SPAG17: variants seen among roughly 807,000 people sequenced by gnomAD.
The protein encoded by SPAG17 is sperm-associated antigen 17.
Under a neutral mutation model 273.6 loss-of-function variants are expected in SPAG17, and 169 were observed. The ratio of observed to expected loss-of-function variants is 0.62; its 90% CI spans 0.55 to 0.70. The LOEUF (loss-of-function observed/expected upper bound fraction) is 0.70, where lower values mean the gene tolerates loss of function less well. Among genes scored for constraint, SPAG17 ranks in the 30% least tolerant of loss-of-function variants. The pLI, the probability that SPAG17 is intolerant of heterozygous loss-of-function variation, is 0.00. For synonymous variants in SPAG17, 825 were observed against 873.2 expected (o/e 0.94, Z 0.97); for missense variants, 2,557 against 2,627.8 (o/e 0.97, Z 0.59).
chr1:118,011,759 G>GACAC (rs142676912), intron 30 of SPAG17, among the ~76,000 whole-genome samples: 2 of 149,456 alleles, frequency 1.3e-5, no homozygotes, highest in East Asian at 2.0e-4. Context: ...CACACACACA[G>GACAC]ACACACACAC....
At chr1:118,140,360 C>T (rs1041819936) in intron 3 of SPAG17, among the ~76,000 whole-genome samples, 1 of 151,914 alleles carries the variant, frequency 6.6e-6, no homozygotes, top group African/African-American at 2.4e-5. Context: ...GTTCTCACCA[C>T]AAAAAATGTT....
chr1:118,052,766 T>C lies in SPAG17; in HGVS notation c.2814+1236A>G, dbSNP rs373093609. On this transcript the variant is annotated intron_variant, in intron 20 of 48. Transcript: ENST00000336338. ...TTGTTAATGACAATACAAAAGTCTG[T>C]AGACCAATTTCATTCACCATGGATA... is the stretch of plus-strand genomic sequence containing the variant. Among the ~76,000 whole-genome samples the C allele has an allele frequency of 1.2e-4, 18 of 152,164 alleles. 1 individual carries two copies. Among genetic ancestry groups the C allele is most frequent in the Admixed American group, 7.9e-4 (12 of 15,276 alleles).
intron 28 of SPAG17, among the ~76,000 whole-genome samples, chr1:118,016,475 T>C (rs2101805097): frequency 6.6e-6 from 1 of 152,304 alleles, no homozygotes; most frequent in East Asian, 1.9e-4. Context: ...ACTTCTGTAC[T>C]CTTTTGGGTC....
At chr1:117,994,630 C>T in intron 34 of SPAG17, 100 bp from the exon 35 acceptor site, 1 of 1,252,898 alleles carries the variant, frequency 8.0e-7, no homozygotes, top group Non-Finnish European at 1.1e-6. Flanking sequence ...TTTGAACAGA[C>T]TTAGACATGA....
At chr1:118,181,301 T>C (rs910095984) in intron 1 of SPAG17, among the ~76,000 whole-genome samples, 2 of 151,928 alleles carry the variant, frequency 1.3e-5, no homozygotes, top group South Asian at 2.1e-4. Context: ...TTACTTTAAA[T>C]GTACATGTAT....
At chr1:118,111,553 A>AACACACACACACACACACACACACACAC (rs61266210) in intron 4 of SPAG17, among the ~76,000 whole-genome samples, 2 of 135,858 alleles carry the variant, frequency 1.5e-5, no homozygotes, top group African/African-American at 2.8e-5. Context: ...CTTTTAAAAC[A>AACACACACACACACACACACACACACAC]ACACACACAC....
chr1:117,992,517 C>G lies in SPAG17; in HGVS notation c.5310G>C (p.Gln1770His). ...TCACCTCATTCTTTATGACCTCATG[C>G]TGAATGAATTGGCGCATCTGTAGCA... Reference protein sequence around the residue: ...PSVLQMRQFIQHEVIKNEVKL... With the variant: ...PSVLQMRQFIHHEVIKNEVKL... Residue 1770 changes from glutamine to histidine, a missense_variant, in exon 36 of 49, where the codon CAG (glutamine) becomes CAC (histidine). Physicochemically the swap from Gln to His is conservative, Grantham distance 24. Transcript: ENST00000336338. 6.2e-7 allele frequency: 1 copy of G among 1,613,546 alleles called. No individual in the cohort carries two copies. Among genetic ancestry groups the G allele is most frequent in the Non-Finnish European group, 8.5e-7 (1 of 1,179,788 alleles).
rs533447540 is a variant in SPAG17 at position 117,969,174 on chromosome 1, A to G, written c.6387+882T>C. On this transcript the variant is annotated intron_variant, in intron 46 of 48. Transcript: ENST00000336338. ...ATGCTATTAATATGCATTTTTTTTT[A>G]CTAAACATGCCATTTTGGAGGATGT... 1.1e-4 allele frequency among the ~76,000 whole-genome samples: 16 copies of G among 150,084 alleles called. No homozygotes were observed. The East Asian group carries it at 3.1e-3, about 29-fold the overall frequency.
intron 47 of SPAG17, chr1:117,965,563 C>T (rs574644115): frequency 3.3e-5 from 5 of 152,336 alleles, no homozygotes; most frequent in African/African-American, 1.2e-4. Flanking sequence ...CTTCCCCCAC[C>T]ATGTCTTTCA....
intron 2 of SPAG17, 109 bp from the exon 3 acceptor site, chr1:118,150,738 C>A: frequency 1.7e-6 from 1 of 600,226 alleles, no homozygotes; most frequent in South Asian, 2.5e-5. Context: ...GGGAACCTAG[C>A]AAGAAAGAGG....
At chr1:118,070,934 T>C (rs1653514550) in intron 17 of SPAG17, among the ~76,000 whole-genome samples, 1 of 152,170 alleles carries the variant, frequency 6.6e-6, no homozygotes, top group Non-Finnish European at 1.5e-5. Context: ...AGATAATAAA[T>C]GTCAGAAGCT....
At chr1:118,104,274 C>T (rs926524700) in intron 4 of SPAG17, among the ~76,000 whole-genome samples, 1 of 152,168 alleles carries the variant, frequency 6.6e-6, no homozygotes, top group Non-Finnish European at 1.5e-5. Flanking sequence ...TAAGAAGGTA[C>T]ATTAAGATAG....
intron 15 of SPAG17, chr1:118,076,260 T>C (rs1412878659): frequency 6.6e-6 from 1 of 152,102 alleles, no homozygotes; most frequent in African/African-American, 2.4e-5. Context: ...TTTGGGCTTC[T>C]AGAGGGAGAA....
chr1:118,077,311 T>C (rs1654182522), intron 15 of SPAG17, among the ~76,000 whole-genome samples: 1 of 152,048 alleles, frequency 6.6e-6, no homozygotes, highest in Non-Finnish European at 1.5e-5. Context: ...CTCCTGGAAG[T>C]AGGTCAAAAT....
At chr1:118,173,312 G>T (rs1301151337) in intron 1 of SPAG17, among the ~76,000 whole-genome samples, 4 of 152,162 alleles carry the variant, frequency 2.6e-5, no homozygotes, top group Non-Finnish European at 5.9e-5. Context: ...TCATGGATGG[G>T]AGAAAGCAGC....
chr1:118,014,661 G>A (rs1230313327), intron 29 of SPAG17, among the ~76,000 whole-genome samples: 2 of 152,182 alleles, frequency 1.3e-5, no homozygotes, highest in Admixed American at 6.5e-5. Flanking sequence ...TAGCAAGCTG[G>A]CATTTTGCTT....
intron 3 of SPAG17, among the ~76,000 whole-genome samples, chr1:118,135,532 C>A (rs1396863955): frequency 6.6e-6 from 1 of 152,078 alleles, no homozygotes; most frequent in East Asian, 1.9e-4. Flanking sequence ...CTCAAAATCA[C>A]CCCTAGGTTC....
intron 48 of SPAG17, chr1:117,954,500 T>C: frequency 7.3e-7 from 1 of 1,362,638 alleles, no homozygotes; most frequent in Non-Finnish European, 1.0e-6. Context: ...AATTATAAAA[T>C]ACAGTTACCA....
At chr1:118,031,224 G>A (rs1221201821) in intron 25 of SPAG17, among the ~76,000 whole-genome samples, 1 of 140,014 alleles carries the variant, frequency 7.1e-6, no homozygotes. Flanking sequence ...TTTAATCAGA[G>A]GTGGGCTGTT....
Sources: allele counts gnomAD v4.1 joint callset (sites outside exome capture counted in the v4.1 genomes callset), GRCh38; gene constraint gnomAD v4.1.1; transcripts MANE v1.5; gene names NCBI Gene and HGNC (gene_info 2026-07-23, HGNC 2026-07-21).